The following AP3S2 variants were observed in gnomAD, a reference collection of about 807,000 sequenced individuals.
The protein encoded by AP3S2 is adaptor related protein complex 3 subunit sigma 2.
AP3S2 carries 22 observed loss-of-function variants against 23.4 expected under a neutral mutation model. The observed-to-expected ratio is 0.94, with a 90% CI of 0.67 to 1.34. The LOEUF (loss-of-function observed/expected upper bound fraction) is 1.34. AP3S2 is among the 40% of genes most tolerant of loss of function. AP3S2 has a pLI of 0.00. For missense variants in AP3S2, 241 were observed against 236.9 expected (o/e 1.02, Z -0.11); for synonymous variants, 86 against 87.1 (o/e 0.99, Z 0.07).
At chr15:89,838,500 C>T (rs922699966) in intron 4 of AP3S2, among the ~76,000 whole-genome samples, 5 of 152,202 alleles carry the variant, frequency 3.3e-5, no homozygotes, top group African/African-American at 1.2e-4. Context: ...GACTCAACTA[C>T]TGTACCCCTT....
intron 1 of AP3S2, chr15:89,893,582 GCA>G (rs1896868669): frequency 1.2e-5 from 5 of 428,982 alleles, no homozygotes; most frequent in African/African-American, 2.0e-5. Flanking sequence ...TCTCATCGAG[GCA>G]CACTCCCCAC....
intron 4 of AP3S2, among the ~76,000 whole-genome samples, chr15:89,857,291 C>CT (rs1417894681): frequency 2.6e-5 from 4 of 152,130 alleles, no homozygotes; most frequent in African/African-American, 9.7e-5. Flanking sequence ...TTATGAGCTT[C>CT]TTACAGGTAG....
intron 4 of AP3S2, among the ~76,000 whole-genome samples, chr15:89,858,481 AAGAAAGAAAGAAAGAGAGAGAG>A (rs1258324258): frequency 1.4e-4 from 5 of 36,332 alleles, no homozygotes; most frequent in African/African-American, 4.1e-4. Context: ...GAAAGAAAGA[AAGAAAGAAAGAAAGAGAGAGAG>A]AGAGAGAGAG....
intron 4 of AP3S2, among the ~76,000 whole-genome samples, chr15:89,858,874 T>G (rs1347352596): frequency 6.6e-6 from 1 of 152,198 alleles, no homozygotes; most frequent in African/African-American, 2.4e-5. Context: ...TAATAAGGAA[T>G]GACTAACACA....
chr15:89,878,317 G>C (rs1050083576), intron 3 of AP3S2: 1 of 641,734 alleles, frequency 1.6e-6, no homozygotes, highest in Non-Finnish European at 2.8e-6. Context: ...AAAGCAAAAA[G>C]ACCAATGGAG....
intron 4 of AP3S2, chr15:89,845,269 T>C (rs1895458877): frequency 6.6e-6 from 1 of 152,198 alleles, no homozygotes; most frequent in Non-Finnish European, 1.5e-5. Context: ...ATTACATAAT[T>C]ACAGTACCAG....
intron 4 of AP3S2, among the ~76,000 whole-genome samples, chr15:89,866,239 G>T (rs1896115503): frequency 8.2e-6 from 1 of 121,730 alleles, no homozygotes; most frequent in Non-Finnish European, 1.6e-5. Context: ...TCCAGCCTGG[G>T]CAACAGAGCG....
At chr15:89,848,984 T>A (rs1399132141) in intron 4 of AP3S2, 2 of 152,220 alleles carry the variant, frequency 1.3e-5, no homozygotes, top group East Asian at 3.9e-4. Flanking sequence ...CAAAGTCCAA[T>A]GTTTTATCGG....
At chr15:89,858,518 AGAGAG>A (rs1567178777) in intron 4 of AP3S2, among the ~76,000 whole-genome samples, 66 of 49,788 alleles carry the variant, frequency 1.3e-3, no homozygotes, top group African/African-American at 4.3e-3. Flanking sequence ...AGAGAGAGAG[AGAGAG>A]AGAAAGAAAG....
chr15:89,868,565 T>TG (rs1324841382), intron 4 of AP3S2, among the ~76,000 whole-genome samples: 19 of 73,938 alleles, frequency 2.6e-4, no homozygotes, highest in Non-Finnish European at 4.1e-4. Flanking sequence ...GGGAGGGAGG[T>TG]GGGGGGGTCA....
rs71461825 is a variant in AP3S2, at chr15:89,873,286, C to CTT, written c.274-1742_274-1741dup. Among the ~76,000 whole-genome samples, 133 of 134,540 alleles carry CTT rather than the reference C, an allele frequency of 9.9e-4. 1 individual carries two copies. The highest frequency in any genetic ancestry group is 5.6e-3 in the South Asian group (24 of 4,302). The allele number at this position is 134,540 out of a possible 152,430, so 88.3% of individuals were successfully genotyped here. ...CAAGTATTGGACCTCTGTCTGTCTT[C>CTT]TTTTTTTTTTTTTTTTGAGACAGAC... On this transcript the variant is annotated intron_variant, in intron 3 of 5. Transcript: ENST00000336418.
chr15:89,844,900 A>T (rs1474175419), intron 4 of AP3S2, among the ~76,000 whole-genome samples: 3 of 151,804 alleles, frequency 2.0e-5, no homozygotes, highest in African/African-American at 7.3e-5. Flanking sequence ...CTTTTCACAG[A>T]GTAATTTTCT....
intron 1 of AP3S2, among the ~76,000 whole-genome samples, chr15:89,889,863 CAAAAAAAA>C (rs940624860): frequency 5.2e-5 from 1 of 19,238 alleles, no homozygotes; most frequent in Admixed American, 5.3e-4. Flanking sequence ...GACTCCATCT[CAAAAAAAA>C]AAAAAAAAAA....
chr15:89,835,240 G>A lies in AP3S2; in HGVS notation c.*275C>T. The A allele has an allele frequency of 1.9e-6, 1 of 514,194 alleles. No individual in the cohort carries two copies. Among genetic ancestry groups the A allele is most frequent in the South Asian group, 3.5e-5 (1 of 28,462 alleles). The allele number at this position is 514,194 out of a possible 1,614,324, so 31.9% of individuals were successfully genotyped here. On this transcript the variant is annotated 3_prime_UTR_variant, in exon 6 of 6. Transcript: ENST00000336418. ...AAGGTGCAAATGACTTGGGCATGTT[G>A]ACTCCCTACTGAGGAAGGCAGGGCC...
At chr15:89,853,982 T>G (rs879198484) in intron 4 of AP3S2, among the ~76,000 whole-genome samples, 6 of 43,140 alleles carry the variant, frequency 1.4e-4, no homozygotes, top group Non-Finnish European at 1.9e-4. Context: ...GTGAGGAGCG[T>G]CTCCGCCCGG....
chr15:89,855,641 G>A (rs944841050), intron 4 of AP3S2, among the ~76,000 whole-genome samples: 4 of 141,802 alleles, frequency 2.8e-5, no homozygotes, highest in Non-Finnish European at 6.1e-5. Flanking sequence ...CTGAGATCAG[G>A]AGTTCAAGAC....
At chr15:89,873,769 T>A (rs1198601332) in intron 3 of AP3S2, among the ~76,000 whole-genome samples, 1 of 152,160 alleles carries the variant, frequency 6.6e-6, no homozygotes, top group Non-Finnish European at 1.5e-5. Flanking sequence ...TGTGAGTGTT[T>A]TTGTTTAGCA....
At chr15:89,863,423 G>T (rs977085218) in intron 4 of AP3S2, among the ~76,000 whole-genome samples, 2 of 152,098 alleles carry the variant, frequency 1.3e-5, no homozygotes, top group Admixed American at 1.3e-4. Flanking sequence ...AAACACTAAG[G>T]ACACCTTAGA....
In AP3S2 at chr15:89,878,138, T is replaced by C. The variant is rs1023716115; in HGVS notation, c.274-6592A>G. The C allele has an allele frequency of 7.9e-6, 4 of 508,960 alleles. No individual in the cohort carries two copies. In the African/African-American group the frequency reaches 8.0e-5, roughly 10 times the overall value. 31.5% of individuals were successfully genotyped at this position (508,960 alleles called of 1,614,324 possible). ...CATAAAATAAATGTTATGCAGATGTTCGTTAGAAGATCTTGCCACTGGTAC... is the reference window on the plus strand; with the variant it reads ...CATAAAATAAATGTTATGCAGATGTCCGTTAGAAGATCTTGCCACTGGTAC... On this transcript the variant is annotated intron_variant, in intron 3 of 5. Transcript: ENST00000336418.
Sources: gnomAD v4.1 joint callset for allele counts (sites outside exome capture counted in the v4.1 genomes callset) on GRCh38, gnomAD v4.1.1 for gene constraint, MANE v1.5 for transcripts, NCBI Gene and HGNC (gene_info 2026-07-23, HGNC 2026-07-21) for gene names.